Variants in CACNA1D observed in about 807,000 individuals in gnomAD.
CACNA1D encodes the protein calcium voltage-gated channel subunit alpha1 D.
A neutral mutation model predicts 257.1 loss-of-function variants in CACNA1D; 55 were observed. The ratio of observed to expected loss-of-function variants is 0.21; its 90% CI spans 0.17 to 0.27. The LOEUF (loss-of-function observed/expected upper bound fraction) is 0.27, where lower values mean the gene tolerates loss of function less well. Among genes scored for constraint, CACNA1D ranks in the 10% least tolerant of loss-of-function variants. The probability of loss-of-function intolerance (pLI) is 1.00; values close to 1 mark genes in which losing one functional copy is unlikely to be tolerated. For synonymous variants in CACNA1D, 980 were observed against 1,014.9 expected (o/e 0.97, Z 0.65); for missense variants, 1,876 against 2,784.0 (o/e 0.67, Z 7.34).
intron 3 of CACNA1D, among the ~76,000 whole-genome samples, chr3:53,603,184 T>C (rs1049931069): frequency 9.2e-5 from 14 of 152,374 alleles, no homozygotes; most frequent in Middle Eastern, 3.4e-3. Flanking sequence ...GGAACAGATA[T>C]GGTTCTCCCT....
chr3:53,698,960 T>G, intron 8 of CACNA1D, among the ~76,000 whole-genome samples: 1 of 152,242 alleles, frequency 6.6e-6, no homozygotes, highest in East Asian at 1.9e-4. Flanking sequence ...TACCAATAGC[T>G]TTATTAAATA....
At chr3:53,766,844 G>A (rs760282316) in intron 30 of CACNA1D, among the ~76,000 whole-genome samples, 7 of 152,272 alleles carry the variant, frequency 4.6e-5, no homozygotes, top group Non-Finnish European at 1.0e-4. Context: ...CTGGAATTCC[G>A]CTTATTGAAA....
intron 3 of CACNA1D, among the ~76,000 whole-genome samples, chr3:53,532,739 G>A (rs1436482634): frequency 2.0e-5 from 3 of 152,138 alleles, no homozygotes; most frequent in Admixed American, 6.5e-5. Flanking sequence ...TTGTTCTTAA[G>A]TTTGATGAGG....
intron 3 of CACNA1D, among the ~76,000 whole-genome samples, chr3:53,514,055 G>T (rs1291482057): frequency 6.6e-6 from 1 of 152,152 alleles, no homozygotes; most frequent in Non-Finnish European, 1.5e-5. Context: ...GTTAAGCTAT[G>T]CATGACTGTA....
chr3:53,805,724 CCATCTTCCCTCCTCCTCCCT>C (rs1559721675), intron 45 of CACNA1D, among the ~76,000 whole-genome samples: 12 of 139,782 alleles, frequency 8.6e-5, no homozygotes, highest in East Asian at 6.7e-4. Flanking sequence ...TCCTCCTCCT[CCATCTTCCCTCCTCCTCCCT>C]CATCTTCCCT....
At chr3:53,632,902 C>T (rs1040594581) in intron 3 of CACNA1D, among the ~76,000 whole-genome samples, 2 of 152,090 alleles carry the variant, frequency 1.3e-5, no homozygotes, top group African/African-American at 2.4e-5. Context: ...GATCACCGTA[C>T]CAGATACGAT....
At chr3:53,528,429 CTTTGT>C (rs1396701531) in intron 3 of CACNA1D, among the ~76,000 whole-genome samples, 3 of 152,134 alleles carry the variant, frequency 2.0e-5, no homozygotes, top group Admixed American at 1.3e-4. Context: ...ATTACTGATG[CTTTGT>C]TTTAAGTCTA....
chr3:53,495,285 C>A lies in CACNA1D; in HGVS notation c.67+52C>A. The A allele has an allele frequency of 6.2e-7, 1 of 1,605,074 alleles. No homozygotes were observed. Among genetic ancestry groups the A allele is most frequent in the South Asian group, 1.1e-5 (1 of 90,842 alleles). On this transcript the variant is annotated intron_variant, in intron 1 of 47. Transcript: ENST00000350061. This position sits in a 1 kb window ranked among gnomAD's most constrained non-coding sequence, Gnocchi z 5.1. ...CTGCCAAATCCGATCCTGTCATGGT[C>A]CTCCAGCCCCCTCCCCCTTCCCCGC...
intron 3 of CACNA1D, among the ~76,000 whole-genome samples, chr3:53,537,051 T>G (rs957443248): frequency 2.6e-5 from 4 of 152,242 alleles, no homozygotes; most frequent in Admixed American, 2.0e-4. Context: ...CTAATGTTTT[T>G]GATAATAAAA....
chr3:53,627,625 G>C (rs947109433), intron 3 of CACNA1D, among the ~76,000 whole-genome samples: 5 of 123,442 alleles, frequency 4.1e-5, no homozygotes, highest in African/African-American at 1.2e-4. Context: ...GGGGGGTGGG[G>C]GATGGTGGAA....
At chr3:53,748,458 A>T (rs1025840737) in intron 26 of CACNA1D, among the ~76,000 whole-genome samples, 4 of 152,180 alleles carry the variant, frequency 2.6e-5, no homozygotes, top group African/African-American at 9.7e-5. Context: ...AGAGGCATGG[A>T]GTAAGGCCCT....
chr3:53,545,811 G>A (rs1342228130), intron 3 of CACNA1D, among the ~76,000 whole-genome samples: 1 of 152,196 alleles, frequency 6.6e-6, no homozygotes, highest in Non-Finnish European at 1.5e-5. Flanking sequence ...GGGGCAGGGA[G>A]GAGGCGCTCT....
chr3:53,535,623 T>A (rs1047597551), intron 3 of CACNA1D, among the ~76,000 whole-genome samples: 1 of 152,048 alleles, frequency 6.6e-6, no homozygotes, highest in African/African-American at 2.4e-5. Context: ...TCTTTTGAGG[T>A]TGCAAAAAGC....
At position 53,731,080 on chromosome 3, in the gene CACNA1D, A is replaced by G. The variant is rs953240164; in HGVS notation, c.2340A>G (p.Lys780=). 1.3e-5 allele frequency: 20 copies of G among 1,598,530 alleles called. No homozygotes were observed. The highest frequency in any genetic ancestry group is 1.7e-5 in the Admixed American group (1 of 59,988). Residue 780 remains lysine, a synonymous_variant, in exon 17 of 48, where the codon AAA becomes AAG. Transcript: ENST00000350061. The part of the protein sequence containing the change: ...EEKERKKIAR[K]ESLENKKNNK... ...TGCTCTTTTCTCTTCTCTTTAGAAA[A>G]GAGAGCCTAGAAAATAAAAAGAACA... is the stretch of plus-strand genomic sequence containing the variant.
At chr3:53,702,094 T>C (rs2094631882) in intron 8 of CACNA1D, among the ~76,000 whole-genome samples, 1 of 151,994 alleles carries the variant, frequency 6.6e-6, no homozygotes, top group South Asian at 2.1e-4. Context: ...CTGCAGGTGA[T>C]GGGTAGAGGA....
At chr3:53,581,364 G>A (rs910326825) in intron 3 of CACNA1D, among the ~76,000 whole-genome samples, 2 of 152,174 alleles carry the variant, frequency 1.3e-5, no homozygotes, top group East Asian at 3.8e-4. Context: ...CCTGCAGACT[G>A]TAGCCCAGAG....
chr3:53,715,960 A>G (rs188155121), intron 9 of CACNA1D, among the ~76,000 whole-genome samples: 3 of 152,356 alleles, frequency 2.0e-5, no homozygotes, highest in African/African-American at 7.2e-5. Context: ...CCCCATTCCC[A>G]TAGAAAATAT....
intron 3 of CACNA1D, among the ~76,000 whole-genome samples, chr3:53,599,881 A>G (rs901922398): frequency 1.1e-4 from 16 of 152,188 alleles, no homozygotes; most frequent in South Asian, 4.1e-4. Flanking sequence ...TGTCTGTCCT[A>G]ATTTTGAAAG....
intron 17 of CACNA1D, 84 bp downstream of exon 17, chr3:53,731,230 G>A: frequency 2.3e-6 from 2 of 881,922 alleles, no homozygotes; most frequent in Non-Finnish European, 1.9e-6. Flanking sequence ...CACTGTGGAA[G>A]TGTCTTGTGT....
Sources: allele counts gnomAD v4.1 joint callset (sites outside exome capture counted in the v4.1 genomes callset), GRCh38; gene constraint gnomAD v4.1.1; non-coding constraint Gnocchi (gnomAD v3.1); transcripts MANE v1.5; gene names NCBI Gene and HGNC (gene_info 2026-07-23, HGNC 2026-07-21).